ARMC8: variants seen among roughly 807,000 people sequenced by gnomAD.
The protein encoded by ARMC8 is armadillo repeat-containing protein 8.
ARMC8 carries 20 observed loss-of-function variants against 99.3 expected under a neutral mutation model. The observed-to-expected ratio is 0.20, with a 90% confidence interval of 0.14 to 0.29. The LOEUF (loss-of-function observed/expected upper bound fraction) is 0.29, where lower values mean the gene tolerates loss of function less well. Among genes scored for constraint, ARMC8 ranks in the 10% least tolerant of loss-of-function variants. The pLI is 1.00. For synonymous variants in ARMC8, 263 were observed against 278.3 expected, an observed-to-expected ratio of 0.95 and a Z score of 0.55; for missense variants, 569 against 809.5, an observed-to-expected ratio of 0.70 and a Z score of 3.60.
At chr3:138,225,198 T>C (rs2045623226) in intron 5 of ARMC8, among the ~76,000 whole-genome samples, 1 of 142,412 alleles carries the variant, frequency 7.0e-6, no homozygotes, top group Non-Finnish European at 1.5e-5. Context: ...CTCCGCCTCC[T>C]GAGTTCAAGC....
At chr3:138,255,006 C>G (rs1057407438) in intron 12 of ARMC8, among the ~76,000 whole-genome samples, 1 of 152,040 alleles carries the variant, frequency 6.6e-6, no homozygotes, top group Non-Finnish European at 1.5e-5. Context: ...ACAGCTCCAG[C>G]TCCCAGGCAG....
At chr3:138,295,724 C>T (rs2051423973) in intron 21 of ARMC8, 135 bp from the exon 22 acceptor site, 1 of 835,988 alleles carries the variant, frequency 1.2e-6, no homozygotes, top group Admixed American at 2.5e-5. Context: ...AAGGTAGGTG[C>T]CCACCTGGGC....
At chr3:138,294,086 C>G (rs2051243923) in intron 21 of ARMC8, among the ~76,000 whole-genome samples, 1 of 152,152 alleles carries the variant, frequency 6.6e-6, no homozygotes, top group African/African-American at 2.4e-5. Flanking sequence ...ATAATCAAAC[C>G]TAGCCAACCT....
Position 138,297,557 on chromosome 3 carries a change from T to G in ARMC8, c.*1665T>G, listed in dbSNP as rs191044555. ...GCACGTTCCTTGGAAGATTTAAATGTTTGGTTGCAAATGAATGTTTTAAAA... is the reference window on the plus strand; with the variant it reads ...GCACGTTCCTTGGAAGATTTAAATGGTTGGTTGCAAATGAATGTTTTAAAA... On this transcript the variant is annotated 3_prime_UTR_variant, in exon 22 of 22. Transcript: ENST00000469044. 2.0e-5 allele frequency: 3 copies of G among 152,316 alleles called. No individual in the cohort carries two copies. Among genetic ancestry groups the G allele is most frequent in the Admixed American group, 2.0e-4 (3 of 15,304 alleles). 9.4% of individuals were successfully genotyped at this position (152,316 alleles called of 1,614,324 possible). A position where few individuals can be genotyped will look rare whatever the true frequency, so the allele number is the denominator to read the frequency against.
At chr3:138,188,392 T>C in intron 1 of ARMC8, 1 of 1,439,966 alleles carries the variant, frequency 6.9e-7, no homozygotes, top group South Asian at 1.5e-5. Flanking sequence ...TTTTTTTTTT[T>C]AAAAAAAGTT....
chr3:138,222,967 A>G (rs183967112), intron 3 of ARMC8, among the ~76,000 whole-genome samples: 13 of 152,284 alleles, frequency 8.5e-5, no homozygotes, highest in Non-Finnish European at 1.9e-4. Flanking sequence ...TATTCCCTAT[A>G]GGCTCGATAT....
intron 18 of ARMC8, among the ~76,000 whole-genome samples, chr3:138,276,484 A>G (rs1363172618): frequency 6.6e-6 from 1 of 152,218 alleles, no homozygotes; most frequent in African/African-American, 2.4e-5. Flanking sequence ...GGCAAGAAAA[A>G]GAAATAAGAG....
intron 19 of ARMC8, among the ~76,000 whole-genome samples, chr3:138,287,414 T>C (rs13072952): frequency 2.0e-5 from 3 of 152,170 alleles, no homozygotes; most frequent in Non-Finnish European, 4.4e-5. Context: ...AAGAGATCTG[T>C]TTTGTGCATT....
intron 19 of ARMC8, among the ~76,000 whole-genome samples, chr3:138,286,196 G>A (rs2050394287): frequency 6.6e-6 from 1 of 152,162 alleles, no homozygotes. Flanking sequence ...ACCTGTCTCG[G>A]CCTCCCAAAG....
chr3:138,246,397 ACTAGTGATATATAT>A (rs2046883265), intron 12 of ARMC8: 1 of 985,196 alleles, frequency 1.0e-6, no homozygotes, highest in Admixed American at 6.2e-5. Context: ...AAGCAAACAT[ACTAGTGATATATAT>A]ATGATTTATG....
rs142396997 is a variant in ARMC8 at position 138,296,472 on chromosome 3, T to C, written c.*580T>C. 4.0e-4 allele frequency: 61 copies of C among 152,208 alleles called. No individual in the cohort carries two copies. Among genetic ancestry groups the C allele is most frequent in the African/African-American group, 1.4e-3 (60 of 41,530 alleles). 9.4% of individuals were successfully genotyped at this position (152,208 alleles called of 1,614,324 possible). A position where few individuals can be genotyped will look rare whatever the true frequency, so the allele number is the denominator to read the frequency against. On this transcript the variant is annotated 3_prime_UTR_variant, in exon 22 of 22. Coordinates refer to ENST00000469044, the MANE Select transcript of ARMC8 (RefSeq NM_001363941.2). ...CCATAAAGGTTATGTTGAATTTTGG[T>C]CAGATGAATATTTGTAAGTAAAAAA... is the stretch of plus-strand genomic sequence containing the variant.
intron 5 of ARMC8, 48 bp downstream of exon 5, chr3:138,223,781 C>T (rs201410204): frequency 6.7e-7 from 1 of 1,485,000 alleles, no homozygotes; most frequent in African/African-American, 1.4e-5. Context: ...CACCAACAGC[C>T]TACTCCTAAT....
At chr3:138,218,097 G>C (rs1015647174) in intron 2 of ARMC8, among the ~76,000 whole-genome samples, 4 of 152,148 alleles carry the variant, frequency 2.6e-5, no homozygotes, top group African/African-American at 9.7e-5. Context: ...ATATAAGGGT[G>C]AATAATGTAG....
At chr3:138,266,529 C>T (rs2048302418) in intron 14 of ARMC8, among the ~76,000 whole-genome samples, 1 of 152,258 alleles carries the variant, frequency 6.6e-6, no homozygotes, top group East Asian at 1.9e-4. Flanking sequence ...CGGTACTTCC[C>T]TTATTATTCA....
chr3:138,247,688 T>C (rs1177099113), intron 12 of ARMC8, among the ~76,000 whole-genome samples: 2 of 152,198 alleles, frequency 1.3e-5, no homozygotes, highest in East Asian at 1.9e-4. Context: ...TGGCCTCTCT[T>C]CATATAATTG....
intron 20 of ARMC8, among the ~76,000 whole-genome samples, chr3:138,290,144 G>A (rs1195530295): frequency 1.3e-5 from 2 of 152,182 alleles, no homozygotes; most frequent in Non-Finnish European, 2.9e-5. Flanking sequence ...CAATAGAAAG[G>A]GGAAGATAAG....
chr3:138,187,852 G>A, intron 1 of ARMC8: 2 of 556,028 alleles, frequency 3.6e-6, no homozygotes, highest in Non-Finnish European at 6.4e-6. Context: ...TGGCAGGCGG[G>A]GTGGCTGGGC....
intron 1 of ARMC8, among the ~76,000 whole-genome samples, chr3:138,192,468 G>A (rs1029391878): frequency 3.3e-5 from 5 of 151,680 alleles, no homozygotes; most frequent in East Asian, 1.9e-4. Flanking sequence ...TAGTAGAGAC[G>A]GAGTTTCACT....
At chr3:138,246,145 T>C (rs758132867) in intron 12 of ARMC8, 102 of 985,474 alleles carry the variant, frequency 1.0e-4, no homozygotes, top group Non-Finnish European at 1.2e-4. Flanking sequence ...AACCTTACAT[T>C]TGTTGAAATA....
Sources: allele counts gnomAD v4.1 joint callset (sites outside exome capture counted in the v4.1 genomes callset), GRCh38; gene constraint gnomAD v4.1.1; transcripts MANE v1.5; gene names NCBI Gene and HGNC (gene_info 2026-07-23, HGNC 2026-07-21).